The following ODAD3 variants were observed in gnomAD, a reference collection of about 807,000 sequenced individuals.
ODAD3 encodes the protein outer dynein arm docking complex subunit 3.
ODAD3 carries 57 observed loss-of-function variants against 70.9 expected under a neutral mutation model. That is an observed-to-expected ratio of 0.80 (90% CI 0.65 to 1.00). The LOEUF (loss-of-function observed/expected upper bound fraction) is 1.00, where lower values mean the gene tolerates loss of function less well. Among genes scored for constraint, ODAD3 ranks in the 50% least tolerant of loss-of-function variants. The pLI, the probability that ODAD3 is intolerant of heterozygous loss-of-function variation, is 0.00. For missense variants in ODAD3, 797 were observed against 763.9 expected, an observed-to-expected ratio of 1.04 and a Z score of -0.51; for synonymous variants, 327 against 315.9, an observed-to-expected ratio of 1.04 and a Z score of -0.37.
chr19:11,425,410 C>CGTGT (rs1555722542), intron 7 of ODAD3, among the ~76,000 whole-genome samples: 3 of 100,006 alleles, frequency 3.0e-5, no homozygotes, highest in East Asian at 5.9e-4. Context: ...TGTATATATA[C>CGTGT]ATATATGTGT....
At position 11,435,054 on chromosome 19, in the gene ODAD3, G is replaced by C. The variant is rs1346632321; in HGVS notation, c.-38C>G. On this transcript the variant is annotated 5_prime_UTR_variant, in exon 1 of 13. The change creates a new upstream start codon in the 5' untranslated region. Coordinates refer to ENST00000356392, the MANE Select transcript of ODAD3 (RefSeq NM_145045.5). The stretch of plus-strand genomic sequence containing the variant: ...GCTGAAGGCCCCTAGGGGTTAGGGG[G>C]ATAACTAGGAGTCAGTCGCCCCTGT... The C allele has an allele frequency of 6.4e-7, 1 of 1,565,826 alleles. No individual in the cohort carries two copies. Among genetic ancestry groups the C allele is most frequent in the Non-Finnish European group, 8.6e-7 (1 of 1,158,786 alleles).
intron 2 of ODAD3, 56 bp downstream of exon 2, chr19:11,430,843 T>C: frequency 1.2e-6 from 2 of 1,613,966 alleles, no homozygotes; most frequent in Non-Finnish European, 1.7e-6. Context: ...TGCTACCTAC[T>C]TGTCCCCCAC....
At chr19:11,435,737 C>T (rs1568358102), upstream of ODAD3, 1 of 1,344,692 alleles carries the variant, frequency 7.4e-7, no homozygotes, top group South Asian at 1.2e-5. Context: ...GGGAGGGCAC[C>T]TCAGTTTCTT....
rs1969429832 is a variant in ODAD3, at chr19:11,428,308, C to A, written c.445-1268G>T. ...TCAGGCTGGAGTGCAGTGGCTCGATCTTGGCTCACTGCAACCTCCGCCCCT... is the reference window on the plus strand; with the variant it reads ...TCAGGCTGGAGTGCAGTGGCTCGATATTGGCTCACTGCAACCTCCGCCCCT... On this transcript the variant is annotated intron_variant, in intron 3 of 12. Transcript: ENST00000356392. Among the ~76,000 whole-genome samples, 3 of 151,952 alleles carry A rather than the reference C, an allele frequency of 2.0e-5. No individual in the cohort carries two copies. The South Asian group carries it at 6.2e-4, about 32-fold the overall frequency.
chr19:11,425,315 A>C (rs1408280351), intron 7 of ODAD3, among the ~76,000 whole-genome samples: 3 of 134,480 alleles, frequency 2.2e-5, no homozygotes, highest in African/African-American at 9.8e-5. Flanking sequence ...ATGTGTACAT[A>C]TGTGTATATG....
intron 6 of ODAD3, 54 bp from the exon 7 acceptor site, chr19:11,426,320 C>G: frequency 6.2e-7 from 1 of 1,609,632 alleles, no homozygotes; most frequent in South Asian, 1.1e-5. Flanking sequence ...CACTGCCCGC[C>G]GCAGGGTGCT....
chr19:11,425,560 T>C (rs1969338752), intron 7 of ODAD3, among the ~76,000 whole-genome samples: 1 of 131,418 alleles, frequency 7.6e-6, no homozygotes, highest in Non-Finnish European at 1.5e-5. Flanking sequence ...TATATGTATA[T>C]ATGTGTGTAT....
In ODAD3 at chr19:11,425,286, CAT is replaced by C. The variant is rs1491216416; in HGVS notation, c.963+856_963+857del. Among the ~76,000 whole-genome samples, 16 of 106,848 alleles carry C rather than the reference CAT, an allele frequency of 1.5e-4. No homozygotes were observed. In the East Asian group the frequency reaches 1.6e-3, roughly 10 times the overall value. The allele number at this position is 106,848 out of a possible 152,430, so 70.1% of individuals were successfully genotyped here. A position where few individuals can be genotyped will look rare whatever the true frequency, so the allele number is the denominator to read the frequency against. On this transcript the variant is annotated intron_variant, in intron 7 of 12. Coordinates refer to ENST00000356392, the MANE Select transcript of ODAD3 (RefSeq NM_145045.5). Reference sequence around the variant, plus strand: ...ATATGTGTATATGTGTGTATATGTACATATGTGTATATATGTGTATGTGTACA... The same window carrying C: ...ATATGTGTATATGTGTGTATATGTACATGTGTATATATGTGTATGTGTACA...
Position 11,420,711 on chromosome 19 carries a change from G to T in ODAD3, c.*124C>A, listed in dbSNP as rs1969109599. 5.2e-6 allele frequency: 4 copies of T among 770,304 alleles called. No homozygotes were observed. Among genetic ancestry groups the T allele is most frequent in the Non-Finnish European group, 6.4e-6 (3 of 467,552 alleles). The allele number at this position is 770,304 out of a possible 1,614,324, so 47.7% of individuals were successfully genotyped here. A position where few individuals can be genotyped will look rare whatever the true frequency, so the allele number is the denominator to read the frequency against. ...GGCCCCTTCCTCCCCTCCGGGCGCC[G>T]CTGGCCGCCTCCGTTCCCGGTCCGG... On this transcript the variant is annotated 3_prime_UTR_variant, in exon 13 of 13. Coordinates refer to ENST00000356392, the MANE Select transcript of ODAD3 (RefSeq NM_145045.5).
At position 11,434,957 on chromosome 19, in the gene ODAD3, A is replaced by G; in HGVS notation, c.60T>C (p.Ala20=). The G allele has an allele frequency of 1.2e-6, 2 of 1,613,806 alleles. No homozygotes were observed. Among genetic ancestry groups the G allele is most frequent in the Non-Finnish European group, 1.7e-6 (2 of 1,180,028 alleles). Residue 20 remains alanine (A), a synonymous_variant, in exon 1 of 13, where the codon GCT becomes GCC. Coordinates refer to ENST00000356392, the MANE Select transcript of ODAD3 (RefSeq NM_145045.5). ...SANALPPQDQ[A]STPSSRVKGR... is the part of the protein sequence containing the mutation. The stretch of plus-strand genomic sequence containing the variant: ...CCTTGACCCTGGAAGAGGGCGTCGA[A>G]GCCTGGTCCTGAGGAGGCAGGGCGT...
intron 8 of ODAD3, among the ~76,000 whole-genome samples, 190 bp downstream of exon 8, chr19:11,423,687 C>G (rs1555721779): frequency 6.6e-6 from 1 of 152,022 alleles, no homozygotes; most frequent in East Asian, 1.9e-4. Context: ...CTGCGAAGGG[C>G]AGCAGAAAAA....
Position 11,422,368 on chromosome 19 carries a change from C to A in ODAD3, c.1434+103G>T. The A allele has an allele frequency of 7.2e-7, 1 of 1,380,648 alleles. No homozygotes were observed. The highest frequency in any genetic ancestry group is 9.6e-7 in the Non-Finnish European group (1 of 1,041,018). The allele number at this position is 1,380,648 out of a possible 1,614,324, so 85.5% of individuals were successfully genotyped here. On this transcript the variant is annotated intron_variant, in intron 10 of 12. Transcript: ENST00000356392. The surrounding 1 kb of genome is among the most constrained non-coding windows in gnomAD (Gnocchi z 4.6). ...CGTCCGGGACAGAGGATGTGGCAGG[C>A]CACGTTCCCTCGGGCAAGCTGGTGT...
intron 10 of ODAD3, 142 bp from the exon 11 acceptor site, chr19:11,421,974 G>A: frequency 3.4e-6 from 3 of 875,130 alleles, no homozygotes; most frequent in South Asian, 3.5e-5. Context: ...ATTGGGGGCG[G>A]GGACTTAGGT....
upstream of ODAD3, chr19:11,435,280 G>T (rs1969650213): frequency 8.5e-7 from 1 of 1,170,014 alleles, no homozygotes; most frequent in Non-Finnish European, 1.1e-6. Flanking sequence ...CCCAACAGTG[G>T]GCGGGGTAGA....
rs1362999207 is a variant in ODAD3, at chr19:11,424,684, C to A, written c.964-655G>T. Among the ~76,000 whole-genome samples, 17 of 37,010 alleles carry A rather than the reference C, an allele frequency of 4.6e-4. 1 individual carries two copies. The East Asian group carries it at 0.011, about 25-fold the overall frequency. 24.3% of individuals were successfully genotyped at this position (37,010 alleles called of 152,430 possible). Reference sequence around the variant, plus strand: ...ATATATGTATATATGTGTATATATACCTATGTGTATATATGTATATATGTG... The same window carrying A: ...ATATATGTATATATGTGTATATATAACTATGTGTATATATGTATATATGTG... On this transcript the variant is annotated intron_variant, in intron 7 of 12. Transcript: ENST00000356392.
At chr19:11,421,359 G>A (rs922820266) in intron 11 of ODAD3, 147 bp from the exon 12 acceptor site, 3 of 774,962 alleles carry the variant, frequency 3.9e-6, no homozygotes, top group Non-Finnish European at 6.1e-6. Context: ...CCTTAAGCAG[G>A]CACCTTGATA....
At chr19:11,424,696 T>A (rs1164350308) in intron 7 of ODAD3, among the ~76,000 whole-genome samples, 6 of 26,486 alleles carry the variant, frequency 2.3e-4, no homozygotes, top group Admixed American at 1.4e-3. Context: ...TATGTGTATA[T>A]ATGTATATAT....
rs1599455688 is a variant in ODAD3, at chr19:11,424,600, T to TGTAC, written c.964-572_964-571insGTAC. Among the ~76,000 whole-genome samples, 390 of 134,474 alleles carry TGTAC rather than the reference T, an allele frequency of 2.9e-3. 6 individuals are homozygous for TGTAC. Among genetic ancestry groups the TGTAC allele is most frequent in the East Asian group, 4.8e-3 (23 of 4,770 alleles). The allele number at this position is 134,474 out of a possible 152,430, so 88.2% of individuals were successfully genotyped here. A position where few individuals can be genotyped will look rare whatever the true frequency, so the allele number is the denominator to read the frequency against. On this transcript the variant is annotated intron_variant, in intron 7 of 12. Coordinates refer to ENST00000356392, the MANE Select transcript of ODAD3 (RefSeq NM_145045.5). Reference sequence around the variant, plus strand: ...GTATATATACCTATGTGTATAAATATATATGTGTATATATACCTATGTGTA... The same window carrying TGTAC: ...GTATATATACCTATGTGTATAAATATGTACATATGTGTATATATACCTATGTGTA...
In ODAD3 at chr19:11,426,518, C is replaced by T. The variant is rs1969378540; in HGVS notation, c.768G>A (p.Val256=). ...GTGCCTCCAGCTCATGTTTGGTCCT[C>T]ACCACCTCAGCCTCCATGGAGTCCA... is the stretch of plus-strand genomic sequence containing the variant. ...NRLDSMEAEV[V]RTKHELEALH... The change falls in exon 6 of 13, where the codon GTG becomes GTA. Residue 256 remains valine, a synonymous_variant. Transcript: ENST00000356392. 6.2e-7 allele frequency: 1 copy of T among 1,613,922 alleles called. No homozygotes were observed. The highest frequency in any genetic ancestry group is 8.5e-7 in the Non-Finnish European group (1 of 1,179,974).
Sources: allele counts gnomAD v4.1 joint callset (sites outside exome capture counted in the v4.1 genomes callset), GRCh38; gene constraint gnomAD v4.1.1; non-coding constraint Gnocchi (gnomAD v3.1); transcripts MANE v1.5; gene names NCBI Gene and HGNC (gene_info 2026-07-23, HGNC 2026-07-21).